SF3B1: variants seen among roughly 807,000 people sequenced by gnomAD.
SF3B1 encodes splicing factor 3b subunit 1.
In SF3B1, 12 loss-of-function variants were observed where a neutral mutation model predicts 153.8. The observed-to-expected ratio is 0.08, with a 90% CI of 0.05 to 0.13. The LOEUF is 0.13. Ranked by LOEUF, SF3B1 falls within the 10% of genes least tolerant of loss-of-function variation. The pLI is 1.00. For synonymous variants in SF3B1, 498 were observed against 525.2 expected (o/e 0.95, Z 0.71); for missense variants, 513 against 1,606.1 (o/e 0.32, Z 11.63).
chr2:197,402,182 A>G lies in SF3B1; in HGVS notation c.2078-52T>C, dbSNP rs1291600844. On this transcript the variant is annotated intron_variant, in intron 14 of 24. Coordinates refer to ENST00000335508, the MANE Select transcript of SF3B1 (RefSeq NM_012433.4). This position sits in a 1 kb window ranked among gnomAD's most constrained non-coding sequence, Gnocchi z 4.6. The stretch of plus-strand genomic sequence containing the variant: ...TATGCCCCAACATTACCTAAGTTAC[A>G]CAATATCATCCAGATTCTCTCAATA... 1 of 1,554,028 alleles carries G rather than the reference A, an allele frequency of 6.4e-7. No homozygotes were observed. The highest frequency in any genetic ancestry group is 2.1e-5 in the Admixed American group (1 of 48,664).
intron 23 of SF3B1, among the ~76,000 whole-genome samples, chr2:197,393,833 T>C (rs2084843011): frequency 6.6e-6 from 1 of 152,222 alleles, no homozygotes; most frequent in Non-Finnish European, 1.5e-5. Flanking sequence ...AGGAGGCATG[T>C]GGTTCTAACA....
At chr2:197,429,938 G>A (rs775393912) in intron 1 of SF3B1, among the ~76,000 whole-genome samples, 11 of 152,198 alleles carry the variant, frequency 7.2e-5, no homozygotes, top group Non-Finnish European at 1.0e-4. Context: ...TAATGGGAAG[G>A]AGGGAACCAG....
chr2:197,428,603 T>C (rs1240111332), intron 1 of SF3B1, among the ~76,000 whole-genome samples: 6 of 152,126 alleles, frequency 3.9e-5, no homozygotes, highest in East Asian at 1.9e-4. Context: ...ATAAAACTGC[T>C]TGGCAACTGG....
intron 20 of SF3B1, 90 bp downstream of exon 20, chr2:197,399,965 C>G: frequency 5.7e-6 from 5 of 874,042 alleles, no homozygotes; most frequent in Non-Finnish European, 9.0e-6. Context: ...AAAAACCTCC[C>G]AACTCCTAAA....
chr2:197,420,316 A>C, intron 4 of SF3B1, 112 bp downstream of exon 4: 1 of 746,368 alleles, frequency 1.3e-6, no homozygotes, highest in Admixed American at 2.3e-5. Context: ...AGTAAGGGGG[A>C]TTTTTAAAAA....
rs2105977643 is a variant in SF3B1, at chr2:197,396,277, C to T, written c.3318G>A (p.Arg1106=). 6.2e-7 allele frequency: 1 copy of T among 1,613,804 alleles called. No homozygotes were observed. The change falls in exon 23 of 25, where the codon AGG becomes AGA. Residue 1106 remains arginine (R), a synonymous_variant. Coordinates refer to ENST00000335508, the MANE Select transcript of SF3B1 (RefSeq NM_012433.4). ...CTACAGTGGTACAAACTCTGTTCTG[C>T]CTTTCTTGAACTTTGAGGTTGTTCA... ...TLLNNLKVQE[R]QNRVCTTVAI... is the part of the protein sequence containing the mutation.
At chr2:197,414,254 T>C (rs1003333511) in intron 6 of SF3B1, among the ~76,000 whole-genome samples, 19 of 152,212 alleles carry the variant, frequency 1.2e-4, no homozygotes, top group Admixed American at 1.2e-3. Context: ...TACGTCAAGC[T>C]GAACAAATAC....
chr2:197,431,101 C>CTTT (rs2085425586), intron 1 of SF3B1, among the ~76,000 whole-genome samples: 1 of 121,480 alleles, frequency 8.2e-6, no homozygotes, highest in Admixed American at 9.2e-5. Context: ...TGTGCCTTTT[C>CTTT]TTCTTTTTTT....
upstream of SF3B1, chr2:197,435,073 A>G: frequency 6.2e-7 from 1 of 1,611,948 alleles, no homozygotes; most frequent in Admixed American, 1.7e-5. Context: ...CACGGAGAAA[A>G]ATAGCTGGGG....
intron 6 of SF3B1, among the ~76,000 whole-genome samples, chr2:197,412,779 G>GT (rs2085090287): frequency 6.6e-6 from 1 of 150,548 alleles, no homozygotes; most frequent in Non-Finnish European, 1.5e-5. Context: ...GAGGTTGGGA[G>GT]TTTGACACCA....
In SF3B1 at chr2:197,408,385, C is replaced by A. The variant is rs2085021951; in HGVS notation, c.1101G>T (p.Met367Ile). 2.5e-6 allele frequency: 4 copies of A among 1,614,054 alleles called. No individual in the cohort carries two copies. The highest frequency in any genetic ancestry group is 3.4e-6 in the Non-Finnish European group (4 of 1,179,962). ...KTPIGTPAMN[M>I]ATPTPGHIMS... ...CAGTTCTACCTGGAGTAGGGGTAGC[C>A]ATGTTCATGGCTGGTGTGCCAATTG... Residue 367 changes from methionine (M) to isoleucine (I), a missense_variant, in exon 8 of 25, where the codon ATG (methionine) becomes ATT (isoleucine). Transcript: ENST00000335508.
intron 6 of SF3B1, among the ~76,000 whole-genome samples, chr2:197,415,853 G>A (rs2085139616): frequency 6.6e-6 from 1 of 152,138 alleles, no homozygotes; most frequent in African/African-American, 2.4e-5. Flanking sequence ...AGGCTGGAAT[G>A]CAGCGGCATG....
chr2:197,417,148 T>C (rs2085159820), intron 5 of SF3B1, among the ~76,000 whole-genome samples: 1 of 152,212 alleles, frequency 6.6e-6, no homozygotes. Context: ...TAGCACACTG[T>C]AGTTTATATA....
Position 197,390,156 on chromosome 2 carries a change from T to C in SF3B1, c.*2147A>G, listed in dbSNP as rs2084794489. 6.6e-6 allele frequency: 1 copy of C among 152,230 alleles called. No homozygotes were observed. The highest frequency in any genetic ancestry group is 2.4e-5 in the African/African-American group (1 of 41,468). 9.4% of individuals were successfully genotyped at this position (152,230 alleles called of 1,614,324 possible). A position where few individuals can be genotyped will look rare whatever the true frequency, so the allele number is the denominator to read the frequency against. On this transcript the variant is annotated 3_prime_UTR_variant, in exon 25 of 25. Coordinates refer to ENST00000335508, the MANE Select transcript of SF3B1 (RefSeq NM_012433.4). ...GTCCCAATGTTTTAGGTCATAGCTT[T>C]CACTACTTCCCTCCTCTCTATCCTC...
chr2:197,432,299 T>C (rs2085452168), intron 1 of SF3B1, among the ~76,000 whole-genome samples: 1 of 152,262 alleles, frequency 6.6e-6, no homozygotes, highest in South Asian at 2.1e-4. Flanking sequence ...GTAGGATTTT[T>C]GGTTAAACCA....
chr2:197,434,870 G>A (rs2085498236), intron 1 of SF3B1, 102 bp downstream of exon 1: 3 of 1,305,628 alleles, frequency 2.3e-6, no homozygotes, highest in Non-Finnish European at 1.1e-6. Flanking sequence ...CGCGGGCTCA[G>A]CTCCTACGAA....
intron 23 of SF3B1, among the ~76,000 whole-genome samples, chr2:197,394,777 C>A (rs988911912): frequency 6.6e-6 from 1 of 152,096 alleles, no homozygotes; most frequent in Non-Finnish European, 1.5e-5. Flanking sequence ...TGGTGGCACA[C>A]GCCTGTAGTC....
At chr2:197,419,131 CT>C (rs1395754936) in intron 4 of SF3B1, 3 of 534,238 alleles carry the variant, frequency 5.6e-6, no homozygotes, top group Non-Finnish European at 1.0e-5. Flanking sequence ...TACCTATAAT[CT>C]TATTCTGATG....
intron 1 of SF3B1, 64 bp from the exon 2 acceptor site, chr2:197,424,038 TTTC>T (rs1219438390): frequency 7.6e-6 from 10 of 1,323,516 alleles, no homozygotes; most frequent in Non-Finnish European, 9.5e-6. Context: ...ACACAATGCA[TTTC>T]TTTACTAGGT....
Sources: gnomAD v4.1 joint callset for allele counts (sites outside exome capture counted in the v4.1 genomes callset) on GRCh38, gnomAD v4.1.1 for gene constraint, Gnocchi (gnomAD v3.1) non-coding constraint, MANE v1.5 for transcripts, NCBI Gene and HGNC (gene_info 2026-07-23, HGNC 2026-07-21) for gene names.